Variants in RAD52 observed in about 807,000 individuals in gnomAD.
The protein encoded by RAD52 is RAD52 DNA repair protein.
A neutral mutation model predicts 55.5 loss-of-function variants in RAD52; 47 were observed. The observed-to-expected ratio is 0.85, with a 90% confidence interval of 0.67 to 1.08. The LOEUF (loss-of-function observed/expected upper bound fraction) is 1.08, where lower values mean the gene tolerates loss of function less well. Among genes scored for constraint, RAD52 ranks in the 50% least tolerant of loss-of-function variants. RAD52 has a pLI of 0.00. For synonymous variants in RAD52, 184 were observed against 198.9 expected (o/e 0.92, Z 0.63); for missense variants, 468 against 522.8 (o/e 0.90, Z 1.02).
intron 1 of RAD52, among the ~76,000 whole-genome samples, chr12:971,948 C>A (rs1026301797): frequency 6.6e-6 from 1 of 152,092 alleles, no homozygotes; most frequent in Admixed American, 6.6e-5. Flanking sequence ...CGGGGTTTCA[C>A]CGTGTTAGCC....
chr12:964,045 T>A (rs574243179), intron 1 of RAD52, among the ~76,000 whole-genome samples: 1 of 151,952 alleles, frequency 6.6e-6, no homozygotes, highest in African/African-American at 2.4e-5. Context: ...AGGTACAACA[T>A]GAGTAGGAAA....
chr12:917,165 CA>C lies in RAD52; in HGVS notation c.544-346del, dbSNP rs1191477687. Among the ~76,000 whole-genome samples the C allele has an allele frequency of 5.9e-5, 9 of 152,174 alleles. No individual in the cohort carries two copies. In the East Asian group the frequency reaches 1.7e-3, roughly 29 times the overall value. ...GTCTCTGTGGAGGTCTGTACCTTCCCAACCCTTTCTGCCAGGGCCACCCCTG... is the reference window on the plus strand; with the variant it reads ...GTCTCTGTGGAGGTCTGTACCTTCCCACCCTTTCTGCCAGGGCCACCCCTG... On this transcript the variant is annotated intron_variant, in intron 7 of 11. Coordinates refer to ENST00000358495, the MANE Select transcript of RAD52 (RefSeq NM_134424.4).
At chr12:987,087 C>T (rs930591165) in intron 1 of RAD52, among the ~76,000 whole-genome samples, 5 of 152,108 alleles carry the variant, frequency 3.3e-5, no homozygotes, top group Admixed American at 2.0e-4. Context: ...TCTCCTGCCT[C>T]GGCCTCCTGA....
intron 1 of RAD52, among the ~76,000 whole-genome samples, chr12:961,548 G>A (rs1958686370): frequency 6.6e-6 from 1 of 151,750 alleles, no homozygotes; most frequent in South Asian, 2.1e-4. Flanking sequence ...AAAGGAGGAG[G>A]AAATTTTGTC....
intron 9 of RAD52, 162 bp downstream of exon 9, chr12:916,182 C>A: frequency 1.4e-6 from 2 of 1,390,942 alleles, no homozygotes; most frequent in Non-Finnish European, 1.9e-6. Flanking sequence ...ATTTAAATAT[C>A]TGAATTTCCT....
At chr12:940,564 G>C (rs984327566) in intron 1 of RAD52, among the ~76,000 whole-genome samples, 2 of 152,050 alleles carry the variant, frequency 1.3e-5, no homozygotes. Context: ...AGTGAGCCAA[G>C]ATTGCGCCAC....
At chr12:942,639 C>T (rs549499233) in intron 1 of RAD52, among the ~76,000 whole-genome samples, 111 of 151,724 alleles carry the variant, frequency 7.3e-4, no homozygotes, top group Non-Finnish European at 1.2e-3. Flanking sequence ...CCCAGCTACT[C>T]GGGAGGCTGG....
intron 1 of RAD52, among the ~76,000 whole-genome samples, chr12:981,771 T>TAAATAAATA (rs1555184010): frequency 7.2e-6 from 1 of 139,618 alleles, no homozygotes. Flanking sequence ...AATAAATAAA[T>TAAATAAATA]AAATAAAATA....
chr12:950,103 T>C (rs556753020), upstream of RAD52, among the ~76,000 whole-genome samples: 3 of 152,260 alleles, frequency 2.0e-5, no homozygotes, highest in Admixed American at 2.0e-4. Context: ...TGAGGATGAA[T>C]GGTTGTCAGA....
intron 1 of RAD52, among the ~76,000 whole-genome samples, chr12:985,156 T>C (rs867574785): frequency 6.6e-6 from 1 of 152,202 alleles, no homozygotes; most frequent in Non-Finnish European, 1.5e-5. Flanking sequence ...TTTTATTTTT[T>C]TGGAGACAGG....
chr12:966,248 T>G (rs1405937488), intron 1 of RAD52, among the ~76,000 whole-genome samples: 1 of 152,134 alleles, frequency 6.6e-6, no homozygotes, highest in South Asian at 2.1e-4. Flanking sequence ...ATTACATGCG[T>G]GAGCCACCGC....
chr12:920,750 A>G (rs1463325223), intron 7 of RAD52, among the ~76,000 whole-genome samples: 1 of 152,220 alleles, frequency 6.6e-6, no homozygotes, highest in African/African-American at 2.4e-5. Flanking sequence ...ACCAAACAAA[A>G]GATGAATAAG....
chr12:939,667 C>T (rs1002361545), intron 1 of RAD52, among the ~76,000 whole-genome samples: 6 of 152,222 alleles, frequency 3.9e-5, no homozygotes, highest in Non-Finnish European at 5.9e-5. Flanking sequence ...CTTCTAATTA[C>T]CCATAAGTAG....
intron 1 of RAD52, chr12:949,350 T>C (rs1184564764): frequency 6.6e-6 from 1 of 152,188 alleles, no homozygotes; most frequent in Non-Finnish European, 1.5e-5. Flanking sequence ...CGCACCGCGG[T>C]GGGGTCCCGG....
At chr12:967,678 C>T (rs1277035666) in intron 1 of RAD52, among the ~76,000 whole-genome samples, 1 of 152,038 alleles carries the variant, frequency 6.6e-6, no homozygotes, top group Non-Finnish European at 1.5e-5. Flanking sequence ...GACCAAAGTT[C>T]ACTGAAGCCT....
chr12:961,531 T>C (rs1049832602), intron 1 of RAD52, among the ~76,000 whole-genome samples: 7 of 151,618 alleles, frequency 4.6e-5, no homozygotes, highest in African/African-American at 1.5e-4. Context: ...ACCTGACTGG[T>C]GTCCTTAAAG....
chr12:933,896 A>T (rs1957468951), intron 1 of RAD52, among the ~76,000 whole-genome samples: 1 of 152,038 alleles, frequency 6.6e-6, no homozygotes, highest in African/African-American at 2.4e-5. Flanking sequence ...CCAAGGCAGA[A>T]GGACTGCTTG....
At chr12:950,153 C>T (rs2154119831), upstream of RAD52, among the ~76,000 whole-genome samples, 1 of 152,346 alleles carries the variant, frequency 6.6e-6, no homozygotes, top group South Asian at 2.1e-4. Context: ...CAGCGGTGGA[C>T]CTGGTGGTTC....
chr12:973,779 CTTCTTTTTTTT>C (rs1456053450), intron 1 of RAD52, among the ~76,000 whole-genome samples: 2 of 136,848 alleles, frequency 1.5e-5, no homozygotes, highest in South Asian at 2.3e-4. Context: ...ACGCCCAGTC[CTTCTTTTTTTT>C]TTTTTTTTTT....
Sources: gnomAD v4.1 joint callset for allele counts (sites outside exome capture counted in the v4.1 genomes callset) on GRCh38, gnomAD v4.1.1 for gene constraint, MANE v1.5 for transcripts, NCBI Gene and HGNC (gene_info 2026-07-23, HGNC 2026-07-21) for gene names.